Variants in SORL1 observed in about 807,000 individuals in gnomAD.
The protein encoded by SORL1 is sortilin related receptor 1.
SORL1 carries 127 observed loss-of-function variants against 273.7 expected under a neutral mutation model. The ratio of observed to expected loss-of-function variants is 0.46; its 90% CI spans 0.40 to 0.54. The LOEUF (loss-of-function observed/expected upper bound fraction) is 0.54. SORL1 is among the 20% of genes least tolerant of loss of function. SORL1 has a pLI of 0.00. For synonymous variants in SORL1, 1,031 were observed against 1,067.4 expected (o/e 0.97, Z 0.66); for missense variants, 2,494 against 2,846.1 (o/e 0.88, Z 2.81).
rs67390938 is a variant in SORL1, at chr11:121,547,417, C to CAAAAAAAAAAAAAAAAAA, written c.2051+1999_2051+2016dup. Among the ~76,000 whole-genome samples the CAAAAAAAAAAAAAAAAAA allele has an allele frequency of 3.7e-4, 9 of 24,032 alleles. 2 individuals are homozygous for CAAAAAAAAAAAAAAAAAA. The highest frequency in any genetic ancestry group is 2.0e-3 in the African/African-American group (8 of 4,102). 15.8% of individuals were successfully genotyped at this position (24,032 alleles called of 152,430 possible). ...TGCCCTACATTTCCCCAACCCTCAC[C>CAAAAAAAAAAAAAAAAAA]AAAAAAAAAAAAAAAAAAAAAAAAA... On this transcript the variant is annotated intron_variant, in intron 14 of 47. Transcript: ENST00000260197.
chr11:121,620,789 T>G (rs774490482), intron 43 of SORL1, among the ~76,000 whole-genome samples: 2 of 152,234 alleles, frequency 1.3e-5, no homozygotes, highest in Non-Finnish European at 2.9e-5. Flanking sequence ...TGTTCCAACC[T>G]ACCTGCTGAT....
Position 121,595,736 on chromosome 11 carries a change from C to G in SORL1, c.4483C>G (p.Gln1495Glu). Residue 1495 changes from glutamine to glutamate, a missense_variant, in exon 32 of 48, where the codon CAA becomes GAA. Physicochemically the swap from Gln to Glu is conservative, Grantham distance 29. Around this residue, in one of 3 missense-constraint regions of SORL1, gnomAD observed 1,609 missense variants for 1,816.4 expected, o/e 0.89. Coordinates refer to ENST00000260197, the MANE Select transcript of SORL1 (RefSeq NM_003105.6). This position sits in a 1 kb window ranked among gnomAD's most constrained non-coding sequence, Gnocchi z 5.1. ...CAACTGGAAGCGCTGTGACGGCCAC[C>G]AAGATTGCCAGGATGGCCGGGACGA... is the stretch of plus-strand genomic sequence containing the variant. ...IPNWKRCDGH[Q>E]DCQDGRDEAN... 6.2e-7 allele frequency: 1 copy of G among 1,613,986 alleles called. No homozygotes were observed. The highest frequency in any genetic ancestry group is 8.5e-7 in the Non-Finnish European group (1 of 1,180,038).
chr11:121,587,114 CAG>C (rs1863128017), intron 27 of SORL1, among the ~76,000 whole-genome samples: 1 of 152,326 alleles, frequency 6.6e-6, no homozygotes, highest in Non-Finnish European at 1.5e-5. Context: ...GCAGTTGTGA[CAG>C]AGTCTGTATG....
chr11:121,560,891 A>G (rs1862662460), intron 21 of SORL1, among the ~76,000 whole-genome samples: 1 of 152,222 alleles, frequency 6.6e-6, no homozygotes, highest in African/African-American at 2.4e-5. Flanking sequence ...TCACTAGTTT[A>G]GGGGCTGGCC....
At chr11:121,558,942 T>A in intron 20 of SORL1, 105 bp downstream of exon 20, 1 of 1,421,506 alleles carries the variant, frequency 7.0e-7, no homozygotes, top group South Asian at 1.4e-5. Flanking sequence ...TTTAACTTCT[T>A]AAAGGTTGCC....
At position 121,588,126 on chromosome 11, in the gene SORL1, T is replaced by C. The variant is rs754389996; in HGVS notation, c.3921T>C (p.Asp1307=). 1.9e-6 allele frequency: 3 copies of C among 1,613,572 alleles called. No individual in the cohort carries two copies. Among genetic ancestry groups the C allele is most frequent in the Non-Finnish European group, 1.7e-6 (2 of 1,179,670 alleles). ...TCATCCAGTGCCGCGACGGGTCCGA[T>C]GAGGATGCGGCGTTTGCAGGATGCT... is the stretch of plus-strand genomic sequence containing the variant. ...DGIIQCRDGS[D]EDAAFAGCSQ... Residue 1307 remains aspartate, a synonymous_variant, in exon 28 of 48, where the codon GAT becomes GAC. Coordinates refer to ENST00000260197, the MANE Select transcript of SORL1 (RefSeq NM_003105.6).
intron 5 of SORL1, among the ~76,000 whole-genome samples, chr11:121,493,856 G>T (rs984367869): frequency 6.6e-6 from 1 of 152,186 alleles, no homozygotes; most frequent in Non-Finnish European, 1.5e-5. Context: ...GATGGAGCTG[G>T]TATGTTGAGG....
chr11:121,591,209 C>T lies in SORL1; in HGVS notation c.4369+53C>T, dbSNP rs200409601. 7.4e-5 allele frequency: 118 copies of T among 1,590,156 alleles called. No homozygotes were observed. The East Asian group carries it at 2.5e-3, about 34-fold the overall frequency. On this transcript the variant is annotated intron_variant, in intron 31 of 47. Transcript: ENST00000260197. ...TGGTACCTGCTATTGTGGAGAGGAC[C>T]TTCTGGGGGTGTGCTCTGGGCACAA...
Position 121,572,900 on chromosome 11 carries a change from T to A in SORL1, c.3338-1341T>A, listed in dbSNP as rs559189260. ...AAGAAATGGAGCCTCAAATAAGAGCTGCCAGGATGTCTAACGGCAGCATTG... is the reference window on the plus strand; with the variant it reads ...AAGAAATGGAGCCTCAAATAAGAGCAGCCAGGATGTCTAACGGCAGCATTG... On this transcript the variant is annotated intron_variant, in intron 23 of 47. Transcript: ENST00000260197. Among the ~76,000 whole-genome samples, 3 of 152,274 alleles carry A rather than the reference T, an allele frequency of 2.0e-5. No homozygotes were observed. In the East Asian group the frequency reaches 5.8e-4, roughly 29 times the overall value.
At chr11:121,530,256 A>T (rs956979058) in intron 11 of SORL1, among the ~76,000 whole-genome samples, 1 of 152,218 alleles carries the variant, frequency 6.6e-6, no homozygotes, top group Non-Finnish European at 1.5e-5. Flanking sequence ...TTCGTTCTGG[A>T]AAAATCTCTG....
Position 121,497,060 on chromosome 11 carries a change from T to A in SORL1, c.939+11T>A. ...GCTACAAAGGTGGTGGTAAGTTGAA[T>A]GTACTAAAGAATAAACTACTTTTGA... On this transcript the variant is annotated intron_variant, in intron 6 of 47. Transcript: ENST00000260197. 6.2e-7 allele frequency: 1 copy of A among 1,608,674 alleles called. No homozygotes were observed. Among genetic ancestry groups the A allele is most frequent in the East Asian group, 2.2e-5 (1 of 44,854 alleles).
intron 22 of SORL1, among the ~76,000 whole-genome samples, chr11:121,568,614 A>C (rs1862787571): frequency 6.6e-6 from 1 of 152,216 alleles, no homozygotes; most frequent in South Asian, 2.1e-4. Flanking sequence ...GATAGATAGA[A>C]TATATATGGA....
intron 31 of SORL1, among the ~76,000 whole-genome samples, 177 bp downstream of exon 31, chr11:121,591,333 T>C (rs1395927170): frequency 2.0e-5 from 3 of 152,206 alleles, no homozygotes; most frequent in Non-Finnish European, 4.4e-5. Flanking sequence ...TTTCTAGCAT[T>C]TTTTCCTGGA....
rs1326977290 is a variant in SORL1, at chr11:121,595,039, A to C, written c.4370-584A>C. On this transcript the variant is annotated intron_variant, in intron 31 of 47. Transcript: ENST00000260197. The surrounding 1 kb of genome is among the most constrained non-coding windows in gnomAD (Gnocchi z 5.1). ...TATCAGTAGGATATACTTGCTGTCA[A>C]CTACGCCTATCTAAACAACTCTCTG... Among the ~76,000 whole-genome samples the C allele has an allele frequency of 2.0e-5, 3 of 152,246 alleles. No individual in the cohort carries two copies.
At chr11:121,544,920 G>A (rs1371120750) in intron 13 of SORL1, among the ~76,000 whole-genome samples, 1 of 152,190 alleles carries the variant, frequency 6.6e-6, no homozygotes, top group East Asian at 1.9e-4. Context: ...CTGTTCCCTA[G>A]TTCTCTAGGA....
At position 121,522,601 on chromosome 11, in the gene SORL1, T is replaced by C. The variant is rs2134858130; in HGVS notation, c.1420T>C (p.Ser474Pro). 6.2e-7 allele frequency: 1 copy of C among 1,613,870 alleles called. No homozygotes were observed. Among genetic ancestry groups the C allele is most frequent in the Non-Finnish European group, 8.5e-7 (1 of 1,179,756 alleles). Residue 474 changes from serine (S) to proline (P), a missense_variant, in exon 10 of 48, where the codon TCC becomes CCC. Around this residue, in one of 3 missense-constraint regions of SORL1, gnomAD observed 710 missense variants for 882.5 expected, o/e 0.80. Transcript: ENST00000260197. Reference protein sequence around the residue: ...KINCELSQGCSLHLAQRLSQL... With the variant: ...KINCELSQGCPLHLAQRLSQL... ...GGTTGTATAGCTTTCCCAGGGCTGT[T>C]CCCTTCATCTGGCTCAGCGCCTCAG...
intron 1 of SORL1, among the ~76,000 whole-genome samples, chr11:121,464,852 C>T (rs1194634120): frequency 6.6e-6 from 1 of 152,130 alleles, no homozygotes; most frequent in Admixed American, 6.5e-5. Flanking sequence ...AGACCCAGTC[C>T]ACAGCCTGCC....
chr11:121,562,944 A>C (rs1449504215), intron 21 of SORL1, among the ~76,000 whole-genome samples: 1 of 152,222 alleles, frequency 6.6e-6, no homozygotes. Flanking sequence ...GGGGACTACT[A>C]TATTAACCAA....
intron 32 of SORL1, among the ~76,000 whole-genome samples, chr11:121,597,610 C>T (rs979040105): frequency 5.3e-5 from 8 of 152,048 alleles, no homozygotes; most frequent in Non-Finnish European, 1.2e-4. Flanking sequence ...GACAGGCATG[C>T]GGCACCATGC....
Sources: gnomAD v4.1 joint callset for allele counts (sites outside exome capture counted in the v4.1 genomes callset) on GRCh38, gnomAD v4.1.1 for gene constraint, gnomAD v4.1.1 regional missense constraint, Gnocchi (gnomAD v3.1) non-coding constraint, MANE v1.5 for transcripts, NCBI Gene and HGNC (gene_info 2026-07-23, HGNC 2026-07-21) for gene names.